Variants in DUSP16 observed in about 807,000 individuals in gnomAD.
The protein encoded by DUSP16 is dual specificity protein phosphatase 16.
In DUSP16, 21 loss-of-function variants were observed where a neutral mutation model predicts 58.3. That is an observed-to-expected ratio of 0.36 (90% CI 0.26 to 0.52). DUSP16 has a LOEUF of 0.52. Ranked by LOEUF, DUSP16 falls within the 20% of genes least tolerant of loss-of-function variation. DUSP16 has a pLI of 0.94. For missense variants in DUSP16, 726 were observed against 819.0 expected (o/e 0.89, Z 1.39); for synonymous variants, 320 against 323.8 (o/e 0.99, Z 0.12).
At chr12:12,485,009 GA>G (rs1057433434) in intron 5 of DUSP16, among the ~76,000 whole-genome samples, 6 of 142,178 alleles carry the variant, frequency 4.2e-5, no homozygotes, top group Admixed American at 7.0e-5. Context: ...GTTTGTTTGT[GA>G]TTTTTTTTTT....
chr12:12,501,414 A>ACC (rs1943908194), intron 3 of DUSP16, among the ~76,000 whole-genome samples: 1 of 152,214 alleles, frequency 6.6e-6, no homozygotes, highest in Admixed American at 6.5e-5. Flanking sequence ...TCCTGTCCTT[A>ACC]CAATGATCTG....
intron 1 of DUSP16, among the ~76,000 whole-genome samples, chr12:12,539,911 G>A (rs1039922151): frequency 2.0e-5 from 3 of 151,842 alleles, no homozygotes; most frequent in South Asian, 2.1e-4. Context: ...AAAATTAGCC[G>A]GGCGTGGTAG....
At position 12,513,287 on chromosome 12, in the gene DUSP16, T is replaced by C. The variant is rs114776322; in HGVS notation, c.367+6575A>G. ...ACTTGATGATCTCTTCTGGCTAACA[T>C]AGTTTAATGCTTTAAAACAATTTAT... On this transcript the variant is annotated intron_variant, in intron 3 of 6. Transcript: ENST00000298573. 1.6e-3 allele frequency among the ~76,000 whole-genome samples: 251 copies of C among 152,370 alleles called. 2 individuals are homozygous for C. Among genetic ancestry groups the C allele is most frequent in the African/African-American group, 5.6e-3 (232 of 41,596 alleles).
chr12:12,552,230 G>C (rs1466193414), intron 1 of DUSP16, among the ~76,000 whole-genome samples: 1 of 151,990 alleles, frequency 6.6e-6, no homozygotes, highest in East Asian at 2.0e-4. Context: ...CGGATCACTT[G>C]GGGTCGGGAG....
chr12:12,480,334 G>A lies in DUSP16; in HGVS notation c.704C>T (p.Ala235Val). The change falls in exon 6 of 7, where the codon GCC (alanine) becomes GTC (valine). Residue 235 changes from alanine (A) to valine (V), a missense_variant. Transcript: ENST00000298573. ...KSVDFIEKAKASNGCVLVHCL... is the reference protein window; with the variant it reads ...KSVDFIEKAKVSNGCVLVHCL... ...GTGCACTAGAACACATCCATTGGAG[G>A]CTTTTGCTTTCTCTGTATAAGTCAA... is the stretch of plus-strand genomic sequence containing the variant. 1 of 1,613,592 alleles carries A rather than the reference G, an allele frequency of 6.2e-7. No individual in the cohort carries two copies. The highest frequency in any genetic ancestry group is 1.7e-4 in the Middle Eastern group (1 of 6,060).
intron 1 of DUSP16, among the ~76,000 whole-genome samples, chr12:12,547,531 TAAAAAAAAAAAA>T (rs761142479): frequency 3.0e-5 from 2 of 66,654 alleles, no homozygotes; most frequent in African/African-American, 4.9e-5. Context: ...TGAGTAGGCT[TAAAAAAAAAAAA>T]AAAAAAAAAA....
At chr12:12,520,706 A>G (rs78599844) in intron 2 of DUSP16, among the ~76,000 whole-genome samples, 165 bp downstream of exon 2, 2,461 of 152,334 alleles carry the variant, frequency 0.016, 65 homozygotes, top group African/African-American at 0.055. Context: ...AAATGTGGCA[A>G]TATGGACAAT....
Position 12,476,799 on chromosome 12 carries a change from A to G in DUSP16, c.*34T>C. ...GAATTTTTTTGTGAACAAGAAAAAA[A>G]AATTGTCTATAGAAGTCACAAGTGT... On this transcript the variant is annotated 3_prime_UTR_variant, in exon 7 of 7. Coordinates refer to ENST00000298573, the MANE Select transcript of DUSP16 (RefSeq NM_030640.3). 6.6e-7 allele frequency: 1 copy of G among 1,521,040 alleles called. No individual in the cohort carries two copies. The highest frequency in any genetic ancestry group is 8.7e-7 in the Non-Finnish European group (1 of 1,143,364). The allele number at this position is 1,521,040 out of a possible 1,614,324, so 94.2% of individuals were successfully genotyped here.
chr12:12,508,819 C>T (rs1944034501), intron 3 of DUSP16, among the ~76,000 whole-genome samples: 1 of 152,106 alleles, frequency 6.6e-6, no homozygotes, highest in Non-Finnish European at 1.5e-5. Flanking sequence ...TTATGACATA[C>T]ACAACAGTTA....
At chr12:12,524,818 C>A (rs1944281157) in intron 1 of DUSP16, among the ~76,000 whole-genome samples, 1 of 151,928 alleles carries the variant, frequency 6.6e-6, no homozygotes, top group South Asian at 2.1e-4. Flanking sequence ...CAAAAAAAGT[C>A]TAAAAATGTA....
chr12:12,493,601 G>A (rs1259164951), intron 4 of DUSP16, among the ~76,000 whole-genome samples: 3 of 152,014 alleles, frequency 2.0e-5, no homozygotes, highest in South Asian at 2.1e-4. Flanking sequence ...CCTCTCTGAC[G>A]ACACTCTCCC....
At chr12:12,549,763 A>C (rs1475164342) in intron 1 of DUSP16, among the ~76,000 whole-genome samples, 2 of 130,598 alleles carry the variant, frequency 1.5e-5, no homozygotes, top group African/African-American at 5.8e-5. Context: ...ATGTGGCCAC[A>C]GTGCTTTTTT....
intron 4 of DUSP16, chr12:12,491,558 ATAAT>A (rs1307213982): frequency 6.6e-6 from 1 of 152,232 alleles, no homozygotes; most frequent in African/African-American, 2.4e-5. Flanking sequence ...ACTCTGCCCT[ATAAT>A]TAAACATCAT....
At chr12:12,503,537 C>A (rs1423286068) in intron 3 of DUSP16, among the ~76,000 whole-genome samples, 2 of 152,104 alleles carry the variant, frequency 1.3e-5, no homozygotes, top group African/African-American at 2.4e-5. Context: ...ATCTGTGGGG[C>A]CTTCCTCCAC....
At chr12:12,528,339 T>C (rs1944334839) in intron 1 of DUSP16, among the ~76,000 whole-genome samples, 1 of 152,054 alleles carries the variant, frequency 6.6e-6, no homozygotes, top group Non-Finnish European at 1.5e-5. Flanking sequence ...ATGGAGGTGG[T>C]CTTGGGAGGG....
intron 6 of DUSP16, among the ~76,000 whole-genome samples, chr12:12,478,862 A>G (rs1278179091): frequency 1.3e-5 from 2 of 152,246 alleles, no homozygotes; most frequent in Non-Finnish European, 2.9e-5. Context: ...TTTATAGTCA[A>G]CATGACAGAC....
chr12:12,536,908 G>C (rs569605573), intron 1 of DUSP16, among the ~76,000 whole-genome samples: 1 of 152,046 alleles, frequency 6.6e-6, no homozygotes, highest in Non-Finnish European at 1.5e-5. Context: ...GCATGGTGGC[G>C]CATTCCTGTA....
At chr12:12,545,011 G>A (rs185059136) in intron 1 of DUSP16, among the ~76,000 whole-genome samples, 7 of 152,186 alleles carry the variant, frequency 4.6e-5, no homozygotes, top group African/African-American at 1.7e-4. Context: ...ATATTCAATA[G>A]TGTGAATCCT....
At chr12:12,487,671 G>A (rs1943705176) in intron 4 of DUSP16, among the ~76,000 whole-genome samples, 1 of 152,304 alleles carries the variant, frequency 6.6e-6, no homozygotes, top group Non-Finnish European at 1.5e-5. Flanking sequence ...GCGTGTGTGT[G>A]TGTGTCCTCT....
Sources: allele counts gnomAD v4.1 joint callset (sites outside exome capture counted in the v4.1 genomes callset), GRCh38; gene constraint gnomAD v4.1.1; transcripts MANE v1.5; gene names NCBI Gene and HGNC (gene_info 2026-07-23, HGNC 2026-07-21).